The following AGMO variants were observed in gnomAD, a reference collection of about 807,000 sequenced individuals.
AGMO encodes glyceryl-ether monooxygenase.
AGMO carries 75 observed loss-of-function variants against 60.2 expected under a neutral mutation model. That is an observed-to-expected ratio of 1.25 (90% CI 1.03 to 1.51). The LOEUF is 1.51. Among genes scored for constraint, AGMO ranks in the 40% most tolerant of loss-of-function variants. AGMO has a pLI of 0.00. For synonymous variants in AGMO, 261 were observed against 177.1 expected, an observed-to-expected ratio of 1.47 and a Z score of -3.76; for missense variants, 763 against 525.5, an observed-to-expected ratio of 1.45 and a Z score of -4.42.
the AGMO span, among the ~76,000 whole-genome samples, chr7:15,124,204 C>G: frequency 3.3e-5 from 5 of 152,008 alleles, no homozygotes; most frequent in African/African-American, 1.2e-4. Context: ...ACCACCCAAC[C>G]AGCAAACCTG....
the AGMO span, among the ~76,000 whole-genome samples, chr7:15,121,838 T>C: frequency 6.6e-6 from 1 of 152,036 alleles, no homozygotes; most frequent in African/African-American, 2.4e-5. Flanking sequence ...TAATAAATGG[T>C]GCTGGAAAAA....
At chr7:15,295,897 A>G (rs183609170) in intron 12 of AGMO, among the ~76,000 whole-genome samples, 1 of 152,152 alleles carries the variant, frequency 6.6e-6, no homozygotes, top group South Asian at 2.1e-4. Context: ...ATTTACACAG[A>G]GCTCAATGTT....
chr7:15,542,806 G>A (rs1358271785), intron 3 of AGMO, among the ~76,000 whole-genome samples: 2 of 152,114 alleles, frequency 1.3e-5, no homozygotes, highest in African/African-American at 4.8e-5. Flanking sequence ...GTCAGGAACT[G>A]ACCTATTATG....
rs193009337 is a variant in AGMO, at chr7:15,485,510, A to T, written c.410-54402T>A. Among the ~76,000 whole-genome samples the T allele has an allele frequency of 2.2e-4, 33 of 152,234 alleles. No individual in the cohort carries two copies. The East Asian group carries it at 6.0e-3, about 28-fold the overall frequency. On this transcript the variant is annotated intron_variant, in intron 3 of 12. Coordinates refer to ENST00000342526, the MANE Select transcript of AGMO (RefSeq NM_001004320.2). ...ACTTAATCAATTTTCTCATGTTCAG[A>T]TGAGGTCTCTGGGGTGGTTAATGCT... is the stretch of plus-strand genomic sequence containing the variant.
intron 3 of AGMO, among the ~76,000 whole-genome samples, chr7:15,528,688 G>T (rs980415294): frequency 5.3e-5 from 8 of 151,186 alleles, no homozygotes; most frequent in Admixed American, 5.3e-4. Flanking sequence ...ACTCTTTTTT[G>T]CCCAGGCTGG....
chr7:15,408,210 C>T (rs1391273190), intron 5 of AGMO, among the ~76,000 whole-genome samples: 1 of 151,760 alleles, frequency 6.6e-6, no homozygotes, highest in Non-Finnish European at 1.5e-5. Context: ...TGTAAACAAG[C>T]GTCATTTTCT....
At chr7:15,132,496 C>G in the AGMO span, among the ~76,000 whole-genome samples, 3 of 152,180 alleles carry the variant, frequency 2.0e-5, no homozygotes, top group African/African-American at 7.2e-5. Context: ...ACAGCTCCAA[C>G]TTACAAACCT....
intron 5 of AGMO, among the ~76,000 whole-genome samples, chr7:15,413,741 T>G (rs1780678680): frequency 6.6e-6 from 1 of 152,086 alleles, no homozygotes; most frequent in African/African-American, 2.4e-5. Flanking sequence ...TTTCAAAAAT[T>G]AAGGAAAACA....
At chr7:15,228,869 A>C (rs1782167264) in intron 12 of AGMO, among the ~76,000 whole-genome samples, 1 of 152,088 alleles carries the variant, frequency 6.6e-6, no homozygotes, top group African/African-American at 2.4e-5. Flanking sequence ...AATAAGTAAA[A>C]GCTCTCCAAA....
At chr7:15,205,551 T>C (rs557976945) in intron 12 of AGMO, among the ~76,000 whole-genome samples, 1 of 152,272 alleles carries the variant, frequency 6.6e-6, no homozygotes, top group African/African-American at 2.4e-5. Flanking sequence ...ATAAGATGAA[T>C]AAACATGTTA....
At chr7:15,176,765 A>T in the AGMO span, among the ~76,000 whole-genome samples, 5 of 152,112 alleles carry the variant, frequency 3.3e-5, no homozygotes, top group African/African-American at 1.2e-4. Context: ...TGTACATTAG[A>T]TCCCCAGAGC....
At chr7:15,352,250 G>A (rs1015911816) in intron 12 of AGMO, among the ~76,000 whole-genome samples, 1 of 152,080 alleles carries the variant, frequency 6.6e-6, no homozygotes, top group Non-Finnish European at 1.5e-5. Context: ...CACTTTCAAA[G>A]GCATATAAGA....
At chr7:15,322,487 A>T (rs1242683591) in intron 12 of AGMO, among the ~76,000 whole-genome samples, 6 of 85,392 alleles carry the variant, frequency 7.0e-5, no homozygotes, top group African/African-American at 9.9e-5. Context: ...TATATATATA[A>T]ATATATATAA....
chr7:15,395,435 G>A (rs937353380), intron 5 of AGMO, among the ~76,000 whole-genome samples: 2 of 151,844 alleles, frequency 1.3e-5, no homozygotes, highest in East Asian at 1.9e-4. Flanking sequence ...ACATTTTATA[G>A]GCAAAAAACA....
chr7:15,354,019 C>T (rs1392186269), intron 12 of AGMO, among the ~76,000 whole-genome samples: 2 of 151,924 alleles, frequency 1.3e-5, no homozygotes, highest in Non-Finnish European at 2.9e-5. Context: ...CAAAACTAGT[C>T]TTTTATAAAG....
At chr7:15,341,249 C>G (rs537658547) in intron 12 of AGMO, among the ~76,000 whole-genome samples, 1 of 152,174 alleles carries the variant, frequency 6.6e-6, no homozygotes, top group South Asian at 2.1e-4. Flanking sequence ...GCAAATTTTC[C>G]AAATTTTTAT....
chr7:15,539,231 T>C (rs1784557299), intron 3 of AGMO, among the ~76,000 whole-genome samples: 1 of 152,172 alleles, frequency 6.6e-6, no homozygotes, highest in African/African-American at 2.4e-5. Flanking sequence ...GTACAGATAA[T>C]TTCATCACCT....
At chr7:15,151,374 G>C in the AGMO span, among the ~76,000 whole-genome samples, 3 of 151,804 alleles carry the variant, frequency 2.0e-5, no homozygotes, top group Non-Finnish European at 2.9e-5. Context: ...CTTTGGGGTT[G>C]GTTTGCTCTT....
downstream of AGMO, among the ~76,000 whole-genome samples, chr7:15,198,257 C>CAGAGAGAGAGAGAGAGAGAGAG (rs1229360945): frequency 5.3e-5 from 3 of 56,534 alleles, 1 homozygote; most frequent in African/African-American, 3.0e-4. Context: ...GAGAGAGAGA[C>CAGAGAGAGAGAGAGAGAGAGAG]AGAGACAGAG....
Sources: gnomAD v4.1 joint callset for allele counts (sites outside exome capture counted in the v4.1 genomes callset) on GRCh38, gnomAD v4.1.1 for gene constraint, MANE v1.5 for transcripts, NCBI Gene and HGNC (gene_info 2026-07-23, HGNC 2026-07-21) for gene names.